The following IQSEC1 variants were observed in gnomAD, a reference collection of about 807,000 sequenced individuals.
IQSEC1 encodes IQ motif and SEC7 domain-containing protein 1.
In IQSEC1, 31 loss-of-function variants were observed where a neutral mutation model predicts 91.0. The ratio of observed to expected loss-of-function variants is 0.34; its 90% CI spans 0.26 to 0.46. The LOEUF is 0.46. IQSEC1 is among the 20% of genes least tolerant of loss of function. The probability of loss-of-function intolerance (pLI) is 1.00; values close to 1 mark genes in which losing one functional copy is unlikely to be tolerated. For missense variants in IQSEC1, 1,388 were observed against 1,575.6 expected (o/e 0.88, Z 2.02); for synonymous variants, 699 against 662.6 (o/e 1.05, Z -0.84).
intron 2 of IQSEC1, among the ~76,000 whole-genome samples, chr3:13,148,684 G>A (rs963192103): frequency 6.6e-6 from 1 of 152,202 alleles, no homozygotes; most frequent in Non-Finnish European, 1.5e-5. Flanking sequence ...CAGTCCCCGG[G>A]GCTCCCTGGC....
At chr3:13,187,494 T>C (rs1446701376) in intron 1 of IQSEC1, among the ~76,000 whole-genome samples, 1 of 152,208 alleles carries the variant, frequency 6.6e-6, no homozygotes, top group East Asian at 1.9e-4. Context: ...TCTGAATATA[T>C]TTACATATAT....
chr3:12,953,159 G>A (rs901161774), intron 1 of IQSEC1, among the ~76,000 whole-genome samples: 1 of 152,212 alleles, frequency 6.6e-6, no homozygotes, highest in Admixed American at 6.5e-5. Flanking sequence ...AACAGAGAAT[G>A]TCTCCCACCC....
intron 2 of IQSEC1, among the ~76,000 whole-genome samples, chr3:13,094,828 G>A (rs2125145293): frequency 6.6e-6 from 1 of 152,272 alleles, no homozygotes; most frequent in African/African-American, 2.4e-5. Flanking sequence ...CCTCCACTGG[G>A]AATTCAGGGA....
chr3:13,086,277 G>A (rs1295789268), intron 2 of IQSEC1, among the ~76,000 whole-genome samples: 1 of 152,184 alleles, frequency 6.6e-6, no homozygotes, highest in South Asian at 2.1e-4. Context: ...GGTGACAGGA[G>A]ATGATGCCGG....
At chr3:13,243,743 A>C (rs115740533) in intron 1 of IQSEC1, among the ~76,000 whole-genome samples, 1 of 150,950 alleles carries the variant, frequency 6.6e-6, no homozygotes, top group East Asian at 1.9e-4. Context: ...CTGGTCTCAC[A>C]TGCAGAAGCA....
intron 1 of IQSEC1, among the ~76,000 whole-genome samples, chr3:13,000,042 C>G (rs1411912657): frequency 6.6e-6 from 1 of 152,206 alleles, no homozygotes; most frequent in Non-Finnish European, 1.5e-5. Flanking sequence ...TAATGCTTTT[C>G]AAGCACACTG....
At chr3:13,181,980 C>A (rs1170506280) in intron 1 of IQSEC1, among the ~76,000 whole-genome samples, 1 of 152,200 alleles carries the variant, frequency 6.6e-6, no homozygotes, top group Non-Finnish European at 1.5e-5. Context: ...GGCCAGTAAG[C>A]AGTAGGTGCT....
intron 1 of IQSEC1, among the ~76,000 whole-genome samples, chr3:13,191,556 C>T (rs947378449): frequency 2.9e-5 from 4 of 140,088 alleles, no homozygotes; most frequent in South Asian, 2.2e-4. Flanking sequence ...AGGCTGGCCT[C>T]GAACTCCTGG....
At chr3:13,038,185 T>A (rs1044075021) in intron 1 of IQSEC1, among the ~76,000 whole-genome samples, 1 of 147,348 alleles carries the variant, frequency 6.8e-6, no homozygotes, top group Non-Finnish European at 1.5e-5. Flanking sequence ...TATATAAGTA[T>A]ATATAAGTAT....
chr3:12,907,569 C>T (rs939280672), intron 12 of IQSEC1, among the ~76,000 whole-genome samples: 3 of 152,122 alleles, frequency 2.0e-5, no homozygotes, highest in Admixed American at 2.0e-4. Flanking sequence ...ACACAGCCTG[C>T]AGCGGCACGA....
At position 13,257,305 on chromosome 3, in the gene IQSEC1, G is replaced by A. The variant is rs545229474; in HGVS notation, c.272+25406C>T. Among the ~76,000 whole-genome samples, 113 of 152,328 alleles carry A rather than the reference G, an allele frequency of 7.4e-4. 1 individual carries two copies. The highest frequency in any genetic ancestry group is 1.2e-3 in the Non-Finnish European group (81 of 68,038). On this transcript the variant is annotated intron_variant, in intron 1 of 15. Coordinates refer to the IQSEC1 transcript ENST00000648114. The stretch of plus-strand genomic sequence containing the variant: ...TTCCCCAGTGCATGCATATGAGACA[G>A]ACAGACAGACATTCTCCAGAAGACA...
chr3:13,009,667 A>ATATG (rs140828843), intron 1 of IQSEC1, among the ~76,000 whole-genome samples: 2 of 150,070 alleles, frequency 1.3e-5, no homozygotes, highest in Non-Finnish European at 1.5e-5. Context: ...GTATATATAT[A>ATATG]TGTGTGTGTG....
intron 1 of IQSEC1, among the ~76,000 whole-genome samples, chr3:13,034,844 C>T (rs897438145): frequency 3.3e-5 from 5 of 152,236 alleles, no homozygotes; most frequent in African/African-American, 9.6e-5. Flanking sequence ...TGCTCGCCAT[C>T]GCAGGGAATA....
intron 2 of IQSEC1, among the ~76,000 whole-genome samples, chr3:13,157,894 C>T (rs940793236): frequency 2.6e-5 from 4 of 152,216 alleles, no homozygotes; most frequent in African/African-American, 9.7e-5. Context: ...GTCTTTGCTC[C>T]GATTTCATCA....
chr3:12,915,116 G>A lies in IQSEC1; in HGVS notation c.2178C>T (p.Pro726=), dbSNP rs760119185. The A allele has an allele frequency of 2.6e-5, 42 of 1,608,578 alleles. 1 individual carries two copies. The South Asian group carries it at 3.1e-4, about 12-fold the overall frequency. ...GAGAAATACTCACACAGCCGAGCCC[G>A]GGATGCAGGGATCCGATCTGCGGGA... The part of the protein sequence containing the change: ...VGKKPIGSLH[P]GLGCVLSLPH... The change falls in exon 8 of 14, where the codon CCC becomes CCT. Residue 726 remains proline, a synonymous_variant. Coordinates refer to ENST00000613206, the MANE Select transcript of IQSEC1 (RefSeq NM_001134382.3).
At chr3:13,206,909 G>T (rs1694355204) in intron 1 of IQSEC1, among the ~76,000 whole-genome samples, 1 of 152,152 alleles carries the variant, frequency 6.6e-6, no homozygotes, top group Non-Finnish European at 1.5e-5. Flanking sequence ...TCCTGGGTGG[G>T]TGAGTAGGAG....
intron 1 of IQSEC1, among the ~76,000 whole-genome samples, chr3:13,167,193 GA>G (rs1693513545): frequency 6.6e-6 from 1 of 152,218 alleles, no homozygotes; most frequent in Admixed American, 6.5e-5. Context: ...TGAGATCTAG[GA>G]ACAGGATGAT....
intron 2 of IQSEC1, among the ~76,000 whole-genome samples, chr3:13,084,373 T>C (rs562304898): frequency 1.3e-5 from 2 of 152,170 alleles, no homozygotes; most frequent in African/African-American, 4.8e-5. Flanking sequence ...GTCCGGATGC[T>C]CTTTCTGGCC....
intron 2 of IQSEC1, among the ~76,000 whole-genome samples, chr3:13,090,543 C>G (rs1373977865): frequency 6.6e-6 from 1 of 152,166 alleles, no homozygotes; most frequent in African/African-American, 2.4e-5. Flanking sequence ...GGCTGCAAGT[C>G]CCCCACAGGA....
Sources: gnomAD v4.1 joint callset for allele counts (sites outside exome capture counted in the v4.1 genomes callset) on GRCh38, gnomAD v4.1.1 for gene constraint, MANE v1.5 for transcripts, NCBI Gene and HGNC (gene_info 2026-07-23, HGNC 2026-07-21) for gene names.